Variants in PTPRD observed in about 807,000 individuals in gnomAD.
The protein encoded by PTPRD is receptor-type tyrosine-protein phosphatase delta.
In PTPRD, 34 loss-of-function variants were observed where a neutral mutation model predicts 214.5. That is an observed-to-expected ratio of 0.16 (90% CI 0.12 to 0.21). The LOEUF is 0.21. Among genes scored for constraint, PTPRD ranks in the 10% least tolerant of loss-of-function variants. The pLI is 1.00. For synonymous variants in PTPRD, 1,128 were observed against 845.7 expected (o/e 1.33, Z -5.79); for missense variants, 2,545 against 2,398.7 (o/e 1.06, Z -1.27).
chr9:9,979,225 T>C (rs981668258), intron 4 of PTPRD, among the ~76,000 whole-genome samples: 7 of 151,934 alleles, frequency 4.6e-5, no homozygotes, highest in African/African-American at 7.2e-5. Context: ...TGAGTATAAA[T>C]ATAAAAGCCT....
intron 5 of PTPRD, among the ~76,000 whole-genome samples, chr9:9,878,330 T>C (rs999905139): frequency 6.6e-6 from 1 of 152,158 alleles, no homozygotes; most frequent in African/African-American, 2.4e-5. Context: ...GAGCTTACAT[T>C]GTAGTGGAAG....
Position 8,769,917 on chromosome 9 carries a change from C to T in PTPRD, c.-103-35971G>A, listed in dbSNP as rs60835389. Among the ~76,000 whole-genome samples the T allele has an allele frequency of 1.6e-3, 243 of 152,054 alleles. No homozygotes were observed. In the Middle Eastern group the frequency reaches 0.02, roughly 13 times the overall value. On this transcript the variant is annotated intron_variant, in intron 11 of 45. Transcript: ENST00000381196. ...AATGGGTTTAAAAAATGGACATTCA[C>T]GTAAATAGGAATAAGAAATGATCTG...
At chr9:10,534,230 A>G (rs2057197333) in intron 2 of PTPRD, among the ~76,000 whole-genome samples, 1 of 151,994 alleles carries the variant, frequency 6.6e-6, no homozygotes, top group Non-Finnish European at 1.5e-5. Flanking sequence ...GAGTTCTAAA[A>G]AGATGTTAAA....
At chr9:10,179,655 G>A (rs1357056681) in intron 3 of PTPRD, among the ~76,000 whole-genome samples, 1 of 151,992 alleles carries the variant, frequency 6.6e-6, no homozygotes, top group African/African-American at 2.4e-5. Flanking sequence ...TTTTCAAGAT[G>A]TGTTACCTAT....
intron 5 of PTPRD, among the ~76,000 whole-genome samples, chr9:9,775,888 G>A (rs10816178): frequency 0.26 from 36,704 of 143,306 alleles, 5,360 homozygotes; most frequent in South Asian, 0.39. Flanking sequence ...CCAGGGAGGC[G>A]GAGCTTGCAG....
chr9:10,032,672 A>T (rs944288981), intron 4 of PTPRD, among the ~76,000 whole-genome samples: 1 of 152,162 alleles, frequency 6.6e-6, no homozygotes, highest in Non-Finnish European at 1.5e-5. Flanking sequence ...GCTTAGAATT[A>T]GTATTTTTGA....
At chr9:10,256,567 C>G (rs1457062066) in intron 3 of PTPRD, among the ~76,000 whole-genome samples, 1 of 152,092 alleles carries the variant, frequency 6.6e-6, no homozygotes, top group Non-Finnish European at 1.5e-5. Flanking sequence ...GTAATTTTGT[C>G]AAGTGGTTTT....
intron 10 of PTPRD, among the ~76,000 whole-genome samples, chr9:9,161,800 T>C (rs1011137939): frequency 2.0e-5 from 3 of 152,056 alleles, no homozygotes; most frequent in Non-Finnish European, 2.9e-5. Flanking sequence ...CTCTAAATGG[T>C]AAACTATGTA....
chr9:9,605,471 T>C (rs539676435), intron 7 of PTPRD, among the ~76,000 whole-genome samples: 1 of 152,152 alleles, frequency 6.6e-6, no homozygotes, highest in African/African-American at 2.4e-5. Flanking sequence ...TAATAAATTT[T>C]TGGTTTCTTT....
intron 12 of PTPRD, among the ~76,000 whole-genome samples, chr9:8,717,010 T>G (rs1446683756): frequency 6.6e-6 from 1 of 151,854 alleles, no homozygotes; most frequent in Non-Finnish European, 1.5e-5. Context: ...TACAAAATAA[T>G]ACAAAAAATT....
At chr9:9,177,826 T>G (rs1171357955) in intron 10 of PTPRD, among the ~76,000 whole-genome samples, 1 of 152,130 alleles carries the variant, frequency 6.6e-6, no homozygotes, top group African/African-American at 2.4e-5. Flanking sequence ...TTAAAACATA[T>G]AAAAGACTGA....
chr9:10,132,952 A>C (rs1267365440), intron 3 of PTPRD, among the ~76,000 whole-genome samples: 1 of 49,496 alleles, frequency 2.0e-5, no homozygotes, highest in Admixed American at 2.2e-4. Context: ...GTCACTTCCA[A>C]GATTGTTATT....
chr9:8,705,830 T>C (rs1234459000), intron 12 of PTPRD, among the ~76,000 whole-genome samples: 2 of 152,224 alleles, frequency 1.3e-5, no homozygotes, highest in Admixed American at 1.3e-4. Flanking sequence ...TCCCTAGGTG[T>C]TTCTTTTGGT....
chr9:10,588,239 G>C (rs2074438035), intron 2 of PTPRD, among the ~76,000 whole-genome samples: 1 of 152,020 alleles, frequency 6.6e-6, no homozygotes, highest in South Asian at 2.1e-4. Context: ...TATAGTTGCA[G>C]TTTTGTTGAC....
At chr9:9,380,432 T>C (rs1326395146) in intron 9 of PTPRD, among the ~76,000 whole-genome samples, 1 of 152,172 alleles carries the variant, frequency 6.6e-6, no homozygotes, top group African/African-American at 2.4e-5. Context: ...ACATGAGATG[T>C]TTTGATACAG....
At chr9:9,068,620 C>A (rs756027027) in intron 10 of PTPRD, among the ~76,000 whole-genome samples, 1 of 150,976 alleles carries the variant, frequency 6.6e-6, no homozygotes, top group Non-Finnish European at 1.5e-5. Flanking sequence ...AAAAAATTTT[C>A]TTTTTTCTTT....
At position 8,562,020 on chromosome 9, in the gene PTPRD, G is replaced by A. The variant is rs930597232; in HGVS notation, c.353-33241C>T. 2.0e-5 allele frequency among the ~76,000 whole-genome samples: 3 copies of A among 152,088 alleles called. No homozygotes were observed. In the East Asian group the frequency reaches 5.8e-4, roughly 29 times the overall value. On this transcript the variant is annotated intron_variant, in intron 14 of 45. Transcript: ENST00000381196. ...AAGACCTACCATTTAACCACAAACT[G>A]GGAATAACCTAATATCAATTGGAAA...
chr9:9,235,683 A>G (rs907805238), intron 9 of PTPRD, among the ~76,000 whole-genome samples: 1 of 152,208 alleles, frequency 6.6e-6, no homozygotes, highest in Admixed American at 6.5e-5. Flanking sequence ...ACAAAAAGCC[A>G]GATAAAAAAG....
At chr9:8,880,131 G>A (rs2154217479) in intron 11 of PTPRD, among the ~76,000 whole-genome samples, 1 of 152,130 alleles carries the variant, frequency 6.6e-6, no homozygotes, top group East Asian at 1.9e-4. Flanking sequence ...TAAACCATAA[G>A]AAACAAAGGT....
Sources: gnomAD v4.1 joint callset for allele counts (sites outside exome capture counted in the v4.1 genomes callset) on GRCh38, gnomAD v4.1.1 for gene constraint, MANE v1.5 for transcripts, NCBI Gene and HGNC (gene_info 2026-07-23, HGNC 2026-07-21) for gene names.